Variants in PEAK1 observed in about 807,000 individuals in gnomAD.
PEAK1 encodes the protein pseudopodium enriched atypical kinase 1.
A neutral mutation model predicts 124.7 loss-of-function variants in PEAK1; 54 were observed. That is an observed-to-expected ratio of 0.43 (90% confidence interval 0.35 to 0.54). The LOEUF is 0.54. PEAK1 is among the 20% of genes least tolerant of loss of function. The pLI is 0.01. For missense variants in PEAK1, 2,046 were observed against 2,134.5 expected (o/e 0.96, Z 0.82); for synonymous variants, 719 against 760.0 (o/e 0.95, Z 0.89).
intron 2 of PEAK1, among the ~76,000 whole-genome samples, chr15:77,357,601 C>T (rs189911378): frequency 6.6e-6 from 1 of 152,288 alleles, no homozygotes; most frequent in Non-Finnish European, 1.5e-5. Flanking sequence ...AAAAGTAGAA[C>T]AGTAAATTCT....
intron 2 of PEAK1, chr15:77,350,188 C>T: frequency 1.0e-6 from 1 of 985,398 alleles, no homozygotes; most frequent in Non-Finnish European, 1.2e-6. Context: ...TACTAACTGG[C>T]AACACTGTTG....
intron 1 of PEAK1, chr15:77,402,182 A>AAAAAAAAAAAAAT: frequency 2.0e-6 from 2 of 981,710 alleles, no homozygotes; most frequent in Non-Finnish European, 2.4e-6. Context: ...AAAAAAAAAA[A>AAAAAAAAAAAAAT]GGGACCAGAT....
chr15:77,313,724 G>GTATATATATA (rs1243000462), intron 2 of PEAK1, among the ~76,000 whole-genome samples: 17 of 108,330 alleles, frequency 1.6e-4, no homozygotes, highest in African/African-American at 3.6e-4. Flanking sequence ...GTGTGTGTGT[G>GTATATATATA]TGTATATATA....
rs751539483 is a variant in PEAK1, at chr15:77,180,769, A to C, written c.1158T>G (p.Asn386Lys). Residue 386 changes from asparagine (N) to lysine (K), a missense_variant, in exon 7 of 10, where the codon AAT (asparagine) becomes AAG (lysine). Asn to Lys is a moderately conservative substitution (Grantham distance 94). Transcript: ENST00000682557. ...GATTATTACTAGAGGGACTTTCATA[A>C]TTGGGCTCAATTTCCTTCATGTCCT... ...DSKDMKEIEP[N>K]YESPSSNNQD... is the part of the protein sequence containing the mutation. 12 of 1,613,928 alleles carry C rather than the reference A, an allele frequency of 7.4e-6. No homozygotes were observed. The highest frequency in any genetic ancestry group is 1.0e-5 in the Non-Finnish European group (12 of 1,179,982).
chr15:77,419,105 C>T (rs1464758611), intron 1 of PEAK1: 1 of 985,308 alleles, frequency 1.0e-6, no homozygotes, highest in African/African-American at 1.7e-5. Context: ...CAACGTCAGC[C>T]TTCCAATAAC....
At chr15:77,291,733 T>C (rs2063220539) in intron 2 of PEAK1, among the ~76,000 whole-genome samples, 1 of 152,048 alleles carries the variant, frequency 6.6e-6, no homozygotes, top group Admixed American at 6.5e-5. Flanking sequence ...ATCCCAGCAC[T>C]TTGGGAGGCC....
At chr15:77,202,491 C>T (rs1362962689) in intron 6 of PEAK1, among the ~76,000 whole-genome samples, 1 of 151,980 alleles carries the variant, frequency 6.6e-6, no homozygotes, top group Non-Finnish European at 1.5e-5. Flanking sequence ...GGGCTGGGTG[C>T]GGTGGCTCAC....
chr15:77,274,021 G>A (rs1327010847), intron 5 of PEAK1, among the ~76,000 whole-genome samples: 1 of 151,972 alleles, frequency 6.6e-6, no homozygotes, highest in East Asian at 1.9e-4. Context: ...AAAACATAAA[G>A]TAGGAAAAGG....
intron 2 of PEAK1, among the ~76,000 whole-genome samples, chr15:77,353,984 AC>A (rs1308307216): frequency 3.3e-5 from 5 of 152,076 alleles, no homozygotes; most frequent in Admixed American, 1.3e-4. Flanking sequence ...CTTTTTCTGC[AC>A]TTGTCCACTA....
chr15:77,403,177 T>G (rs1463629221), intron 1 of PEAK1: 1 of 985,322 alleles, frequency 1.0e-6, no homozygotes, highest in Non-Finnish European at 1.2e-6. Context: ...TGTATCATCT[T>G]GGCCTCCAAT....
At chr15:77,413,770 T>C (rs1488638895) in intron 1 of PEAK1, among the ~76,000 whole-genome samples, 1 of 150,802 alleles carries the variant, frequency 6.6e-6, no homozygotes, top group Admixed American at 6.6e-5. Context: ...TGCACCATGG[T>C]TATGTAGGAT....
At chr15:77,385,228 TTGTC>T (rs1386068293) in intron 1 of PEAK1, among the ~76,000 whole-genome samples, 2 of 152,148 alleles carry the variant, frequency 1.3e-5, no homozygotes, top group South Asian at 2.1e-4. Flanking sequence ...AGAAGCCTAT[TTGTC>T]TGTCATTATT....
intron 5 of PEAK1, among the ~76,000 whole-genome samples, chr15:77,261,054 T>C (rs1314560648): frequency 6.6e-6 from 1 of 152,194 alleles, no homozygotes; most frequent in Non-Finnish European, 1.5e-5. Context: ...GACCTGCAGC[T>C]GAGGGTCCTG....
Position 77,179,255 on chromosome 15 carries a change from G to A in PEAK1, c.2672C>T (p.Thr891Ile). ...HAGNLLQRHF[T>I]NWTKPTSPTR... ...AGGGCTGGTTGGCTTGGTCCAGTTG[G>A]TGAAATGCCTCTGCAAAAGGTTACC... is the stretch of plus-strand genomic sequence containing the variant. Residue 891 changes from threonine to isoleucine, a missense_variant, in exon 7 of 10, where the codon ACC becomes ATC. Physicochemically the swap from Thr to Ile is moderately conservative, Grantham distance 89. Transcript: ENST00000682557. The A allele has an allele frequency of 6.2e-7, 1 of 1,614,168 alleles. No homozygotes were observed. Among genetic ancestry groups the A allele is most frequent in the Non-Finnish European group, 8.5e-7 (1 of 1,180,028 alleles).
chr15:77,304,116 G>A (rs1371339239), intron 2 of PEAK1, among the ~76,000 whole-genome samples: 3 of 152,184 alleles, frequency 2.0e-5, no homozygotes, highest in African/African-American at 4.8e-5. Flanking sequence ...GGTAGTGTGA[G>A]TACTACAACT....
intron 8 of PEAK1, among the ~76,000 whole-genome samples, chr15:77,150,454 A>AT (rs752573593): frequency 3.9e-5 from 6 of 152,036 alleles, no homozygotes; most frequent in East Asian, 1.9e-4. Context: ...GCAATGCTTT[A>AT]TTTTTTTTCT....
At chr15:77,404,007 T>C (rs2071594507) in intron 1 of PEAK1, 1 of 971,582 alleles carries the variant, frequency 1.0e-6, no homozygotes, top group African/African-American at 1.8e-5. Flanking sequence ...ACTCAGGTAA[T>C]GAGCATAGTA....
At chr15:77,164,326 T>A (rs188489248) in intron 7 of PEAK1, among the ~76,000 whole-genome samples, 1 of 152,306 alleles carries the variant, frequency 6.6e-6, no homozygotes, top group African/African-American at 2.4e-5. Context: ...TTATCTGATA[T>A]CTGATGAGTT....
Position 77,113,738 on chromosome 15 carries a change from TAA to T in PEAK1, c.*416_*417del, listed in dbSNP as rs2051121397. ...CTACTGGGTCGTGGTAGAGACTGGT[TAA>T]GTCTGTCTACTGCTAGTGAGAATAA... On this transcript the variant is annotated 3_prime_UTR_variant, in exon 10 of 10. Transcript: ENST00000682557. 5.4e-6 allele frequency: 1 copy of T among 184,416 alleles called. No individual in the cohort carries two copies. Among genetic ancestry groups the T allele is most frequent in the African/African-American group, 2.4e-5 (1 of 42,362 alleles). The allele number at this position is 184,416 out of a possible 1,614,324, so 11.4% of individuals were successfully genotyped here. A position where few individuals can be genotyped will look rare whatever the true frequency, so the allele number is the denominator to read the frequency against.
Sources: allele counts gnomAD v4.1 joint callset (sites outside exome capture counted in the v4.1 genomes callset), GRCh38; gene constraint gnomAD v4.1.1; transcripts MANE v1.5; gene names NCBI Gene and HGNC (gene_info 2026-07-23, HGNC 2026-07-21).